The following AASDH variants were observed in gnomAD, a reference collection of about 807,000 sequenced individuals.
AASDH encodes the protein beta-alanine-activating enzyme.
A neutral mutation model predicts 102.3 loss-of-function variants in AASDH; 81 were observed. The observed-to-expected ratio is 0.79, with a 90% CI of 0.66 to 0.95. The LOEUF (loss-of-function observed/expected upper bound fraction) is 0.95. AASDH is among the 40% of genes least tolerant of loss of function. The probability of loss-of-function intolerance (pLI) is 0.00; values close to 1 mark genes in which losing one functional copy is unlikely to be tolerated. For missense variants in AASDH, 1,203 were observed against 1,266.2 expected (o/e 0.95, Z 0.76); for synonymous variants, 398 against 454.0 (o/e 0.88, Z 1.57).
chr4:56,338,863 G>T, intron 14 of AASDH, 72 bp from the exon 15 acceptor site: 1 of 1,407,974 alleles, frequency 7.1e-7, no homozygotes, highest in Non-Finnish European at 9.6e-7. Flanking sequence ...AGCTCTATGA[G>T]GTTCTTAATG....
At chr4:56,387,188 C>A (rs1343783558) in intron 1 of AASDH, among the ~76,000 whole-genome samples, 174 bp downstream of exon 1, 1 of 152,202 alleles carries the variant, frequency 6.6e-6, no homozygotes, top group East Asian at 1.9e-4. Context: ...AGTGTACACA[C>A]AGGTCAGGGT....
intron 5 of AASDH, among the ~76,000 whole-genome samples, chr4:56,364,025 A>C (rs1383762907): frequency 2.6e-5 from 4 of 152,164 alleles, no homozygotes; most frequent in African/African-American, 9.6e-5. Context: ...AGAAGTCCTT[A>C]AAGGATCTGA....
chr4:56,382,375 C>T (rs1342145442), intron 3 of AASDH, 102 bp downstream of exon 3: 6 of 1,183,876 alleles, frequency 5.1e-6, no homozygotes, highest in East Asian at 2.6e-5. Flanking sequence ...AGAAACCTTG[C>T]CACATTTAGC....
intron 5 of AASDH, among the ~76,000 whole-genome samples, chr4:56,362,335 G>C (rs949841635): frequency 3.9e-5 from 6 of 152,054 alleles, no homozygotes; most frequent in African/African-American, 1.2e-4. Flanking sequence ...TGTAATCTTG[G>C]CTCACTGCAA....
rs746925401 is a variant in AASDH at position 56,338,751 on chromosome 4, G to A, written c.2948C>T (p.Pro983Leu). ...FSTSGPIFSSPCTSPSEQKIF... is the reference protein window; with the variant it reads ...FSTSGPIFSSLCTSPSEQKIF... ...TTTTTGCTCTGATGGTGAGGTACAC[G>A]GGGATGAAAAGATTGGTCCACTGGT... The change falls in exon 15 of 15, where the codon CCG becomes CTG. Residue 983 changes from proline to leucine, a missense_variant. By Grantham distance (98) the Pro-to-Leu change is moderately conservative. Transcript: ENST00000205214. 2.1e-5 allele frequency: 34 copies of A among 1,613,992 alleles called. No homozygotes were observed. The highest frequency in any genetic ancestry group is 1.5e-4 in the African/African-American group (11 of 74,930).
intron 1 of AASDH, among the ~76,000 whole-genome samples, chr4:56,385,829 T>C (rs1463205436): frequency 8.5e-5 from 13 of 152,184 alleles, no homozygotes; most frequent in African/African-American, 1.2e-4. Flanking sequence ...AGGTTGGTTT[T>C]GAACTCCTGA....
chr4:56,370,778 C>A (rs1049305348), intron 5 of AASDH, among the ~76,000 whole-genome samples: 4 of 152,184 alleles, frequency 2.6e-5, no homozygotes, highest in Non-Finnish European at 5.9e-5. Flanking sequence ...TCATTTAATT[C>A]TATTTGAGAT....
chr4:56,374,166 G>A (rs1752059259), intron 4 of AASDH, among the ~76,000 whole-genome samples: 1 of 151,994 alleles, frequency 6.6e-6, no homozygotes, highest in South Asian at 2.1e-4. Flanking sequence ...GATACTTGAG[G>A]TCAGGAGTTT....
intron 11 of AASDH, among the ~76,000 whole-genome samples, chr4:56,345,725 G>A (rs981083271): frequency 1.3e-5 from 2 of 152,188 alleles, no homozygotes; most frequent in South Asian, 2.1e-4. Context: ...CAACAATTCA[G>A]ATAATGTGAA....
At chr4:56,354,536 T>C (rs1156827139) in intron 7 of AASDH, among the ~76,000 whole-genome samples, 169 bp downstream of exon 7, 1 of 152,166 alleles carries the variant, frequency 6.6e-6, no homozygotes, top group Non-Finnish European at 1.5e-5. Context: ...GACATTATTA[T>C]CTGAAATAAT....
chr4:56,349,334 C>A lies in AASDH; in HGVS notation c.2417G>T (p.Trp806Leu). Residue 806 changes from tryptophan (W) to leucine (L), a missense_variant, in exon 11 of 15, where the codon TGG becomes TTG. Trp to Leu is a moderately conservative substitution (Grantham distance 61). Transcript: ENST00000205214. Reference protein sequence around the residue: ...AVDFYSGKVKWEQILGDRIES... With the variant: ...AVDFYSGKVKLEQILGDRIES... Reference sequence around the variant, plus strand: ...AATTCGATCTCCCAAAATCTGTTCCCATTTTACCTTCCCAGAGTAAAAGTC... The same window carrying A: ...AATTCGATCTCCCAAAATCTGTTCCAATTTTACCTTCCCAGAGTAAAAGTC... The A allele has an allele frequency of 6.2e-7, 1 of 1,614,194 alleles. No individual in the cohort carries two copies. Among genetic ancestry groups the A allele is most frequent in the Non-Finnish European group, 8.5e-7 (1 of 1,180,036 alleles).
At chr4:56,352,315 CAGTAA>C (rs1342345057) in intron 9 of AASDH, among the ~76,000 whole-genome samples, 7 of 152,070 alleles carry the variant, frequency 4.6e-5, no homozygotes, top group Admixed American at 1.3e-4. Flanking sequence ...ATTAAGGACT[CAGTAA>C]AGTAGATTGG....
At chr4:56,345,839 C>A (rs1272965494) in intron 11 of AASDH, among the ~76,000 whole-genome samples, 1 of 152,212 alleles carries the variant, frequency 6.6e-6, no homozygotes, top group East Asian at 1.9e-4. Context: ...TATGTTACAT[C>A]TATTAATTCA....
At chr4:56,368,792 C>T (rs576587240) in intron 5 of AASDH, among the ~76,000 whole-genome samples, 2 of 150,262 alleles carry the variant, frequency 1.3e-5, no homozygotes, top group Admixed American at 1.3e-4. Context: ...ATGGGTGCAG[C>T]ACACCAACAT....
At chr4:56,376,093 G>A (rs750314903) in intron 4 of AASDH, among the ~76,000 whole-genome samples, 6 of 145,582 alleles carry the variant, frequency 4.1e-5, no homozygotes, top group East Asian at 2.1e-4. Flanking sequence ...GTGCAATAAC[G>A]GATCACTGCA....
chr4:56,359,847 G>A (rs1159738224), intron 5 of AASDH, among the ~76,000 whole-genome samples: 4 of 152,038 alleles, frequency 2.6e-5, no homozygotes, highest in African/African-American at 7.2e-5. Flanking sequence ...GTGAGCCACC[G>A]TGCCCGGCCG....
At chr4:56,359,247 A>AT (rs1750001637) in intron 5 of AASDH, among the ~76,000 whole-genome samples, 1 of 151,110 alleles carries the variant, frequency 6.6e-6, no homozygotes, top group African/African-American at 2.4e-5. Flanking sequence ...TCTTCTTTTT[A>AT]TTTTTTGTGA....
intron 3 of AASDH, chr4:56,381,696 A>AG (rs1393065944): frequency 6.7e-6 from 1 of 150,066 alleles, no homozygotes; most frequent in Admixed American, 6.6e-5. Context: ...GGGTGAAAGC[A>AG]GGGAATGCAT....
chr4:56,353,914 T>G, intron 8 of AASDH, 125 bp downstream of exon 8: 1 of 855,586 alleles, frequency 1.2e-6, no homozygotes. Context: ...TACCCTTTAT[T>G]GTAATTCATC....
Sources: gnomAD v4.1 joint callset for allele counts (sites outside exome capture counted in the v4.1 genomes callset) on GRCh38, gnomAD v4.1.1 for gene constraint, MANE v1.5 for transcripts, NCBI Gene and HGNC (gene_info 2026-07-23, HGNC 2026-07-21) for gene names.